The following RBMS3 variants were observed in gnomAD, a reference collection of about 807,000 sequenced individuals.
RBMS3 encodes RNA binding motif single stranded interacting protein 3, also known as RNA-binding motif, single-stranded-interacting protein 3.
In RBMS3, 27 loss-of-function variants were observed where a neutral mutation model predicts 66.8. The ratio of observed to expected loss-of-function variants is 0.40; its 90% CI spans 0.30 to 0.56. The LOEUF (loss-of-function observed/expected upper bound fraction) is 0.56. RBMS3 is among the 20% of genes least tolerant of loss of function. The probability of loss-of-function intolerance (pLI) is 0.40; values close to 1 mark genes in which losing one functional copy is unlikely to be tolerated. For synonymous variants in RBMS3, 188 were observed against 183.0 expected, an observed-to-expected ratio of 1.03 and a Z score of -0.22; for missense variants, 513 against 549.5, an observed-to-expected ratio of 0.93 and a Z score of 0.66.
intron 3 of RBMS3, among the ~76,000 whole-genome samples, chr3:29,579,593 G>T (rs1324061642): frequency 1.3e-5 from 2 of 152,094 alleles, no homozygotes; most frequent in Non-Finnish European, 2.9e-5. Flanking sequence ...AAACTTGTTG[G>T]AATTGTTTTA....
chr3:29,301,192 G>A (rs1001831945), intron 1 of RBMS3, among the ~76,000 whole-genome samples: 3 of 151,954 alleles, frequency 2.0e-5, no homozygotes, highest in Non-Finnish European at 4.4e-5. Context: ...CCATGGAGGC[G>A]ACATTTGAAG....
At chr3:29,337,231 G>A (rs1397601790) in intron 1 of RBMS3, among the ~76,000 whole-genome samples, 1 of 151,584 alleles carries the variant, frequency 6.6e-6, no homozygotes, top group Non-Finnish European at 1.5e-5. Flanking sequence ...AATGTCCTTG[G>A]GATATTTGAT....
At chr3:29,701,442 C>G (rs77638710) in intron 4 of RBMS3, among the ~76,000 whole-genome samples, 1 of 152,192 alleles carries the variant, frequency 6.6e-6, no homozygotes, top group East Asian at 1.9e-4. Context: ...CGCTCGCCCT[C>G]GGTGCCTCCT....
intron 3 of RBMS3, among the ~76,000 whole-genome samples, chr3:29,520,170 A>T (rs1211700516): frequency 6.6e-6 from 1 of 152,192 alleles, no homozygotes; most frequent in East Asian, 1.9e-4. Flanking sequence ...GCTACTGAGC[A>T]CTTAAATGTG....
At chr3:29,434,601 G>C in intron 1 of RBMS3, 142 bp from the exon 2 acceptor site, 2 of 1,174,742 alleles carry the variant, frequency 1.7e-6, no homozygotes, top group Non-Finnish European at 1.2e-6. Context: ...ATGCAACAGA[G>C]AGTAGTGATA....
chr3:29,563,105 T>TA (rs1179294587), intron 3 of RBMS3, among the ~76,000 whole-genome samples: 1 of 152,202 alleles, frequency 6.6e-6, no homozygotes, highest in African/African-American at 2.4e-5. Context: ...TATGAATTGA[T>TA]AGATAAACCT....
chr3:29,312,868 C>A (rs2034464714), intron 1 of RBMS3, among the ~76,000 whole-genome samples: 2 of 151,690 alleles, frequency 1.3e-5, no homozygotes, highest in South Asian at 4.1e-4. Context: ...CTTTGATCTG[C>A]TCTGCTCACT....
chr3:29,350,859 C>G (rs1433245576), intron 1 of RBMS3, among the ~76,000 whole-genome samples: 2 of 149,862 alleles, frequency 1.3e-5, no homozygotes, highest in African/African-American at 4.9e-5. Flanking sequence ...AAAGTAAAAA[C>G]AAAAAACTAT....
intron 6 of RBMS3, among the ~76,000 whole-genome samples, chr3:29,865,054 A>AGGC (rs1559750245): frequency 2.0e-4 from 25 of 123,376 alleles, no homozygotes; most frequent in African/African-American, 7.1e-4. Context: ...GGAGGGAAGG[A>AGGC]AGGAAGGAAG....
Position 29,307,420 on chromosome 3 carries a change from G to A in RBMS3, c.75+25664G>A, listed in dbSNP as rs1187029458. Among the ~76,000 whole-genome samples, 5 of 151,908 alleles carry A rather than the reference G, an allele frequency of 3.3e-5. No individual in the cohort carries two copies. In the East Asian group the frequency reaches 5.8e-4, roughly 18 times the overall value. ...CATGTGGTTCTCTATTTATAAAGTA[G>A]CCCCTAATCTCTCACCATGATAGGC... On this transcript the variant is annotated intron_variant, in intron 1 of 14. Transcript: ENST00000383767.
At chr3:29,811,641 T>G (rs928044882) in intron 6 of RBMS3, among the ~76,000 whole-genome samples, 2 of 152,092 alleles carry the variant, frequency 1.3e-5, no homozygotes, top group Non-Finnish European at 2.9e-5. Context: ...TTCCCTCCAG[T>G]TTTTTTCTCT....
At chr3:29,606,413 T>C (rs1022170401) in intron 4 of RBMS3, among the ~76,000 whole-genome samples, 13 of 151,912 alleles carry the variant, frequency 8.6e-5, no homozygotes, top group Admixed American at 6.6e-4. Flanking sequence ...TTGACTTATT[T>C]TGAACATCAA....
intron 1 of RBMS3, among the ~76,000 whole-genome samples, chr3:29,387,894 C>T (rs1575680144): frequency 6.6e-6 from 1 of 151,956 alleles, no homozygotes; most frequent in South Asian, 2.1e-4. Context: ...TCTGTGTTAC[C>T]TTCTTCTCTC....
At chr3:29,518,775 T>C (rs1576092450) in intron 3 of RBMS3, among the ~76,000 whole-genome samples, 1 of 152,202 alleles carries the variant, frequency 6.6e-6, no homozygotes, top group Non-Finnish European at 1.5e-5. Flanking sequence ...GTAGCAGAGA[T>C]GACATTCTAA....
chr3:29,733,329 T>A (rs112629813), intron 4 of RBMS3, among the ~76,000 whole-genome samples: 160 of 151,920 alleles, frequency 1.1e-3, no homozygotes, highest in African/African-American at 3.8e-3. Flanking sequence ...CTTGGAATAA[T>A]CATGGAGGTG....
At chr3:29,654,072 G>T (rs1029995553) in intron 4 of RBMS3, among the ~76,000 whole-genome samples, 1 of 152,136 alleles carries the variant, frequency 6.6e-6, no homozygotes, top group Non-Finnish European at 1.5e-5. Context: ...CAGGAAATTG[G>T]TAGTAAGTCA....
chr3:29,281,870 C>A, intron 1 of RBMS3, 114 bp downstream of exon 1: 1 of 847,544 alleles, frequency 1.2e-6, no homozygotes, highest in Non-Finnish European at 1.8e-6. Flanking sequence ...CTTCTTCCTG[C>A]TTCTTTGAAA....
At chr3:29,780,942 A>G (rs1361010221) in intron 6 of RBMS3, among the ~76,000 whole-genome samples, 2 of 152,144 alleles carry the variant, frequency 1.3e-5, no homozygotes, top group Admixed American at 6.6e-5. Flanking sequence ...CTATGTTAAA[A>G]TATAGAACAG....
At chr3:29,674,615 CAGAG>C (rs1234880085) in intron 4 of RBMS3, among the ~76,000 whole-genome samples, 10 of 151,374 alleles carry the variant, frequency 6.6e-5, no homozygotes, top group African/African-American at 2.4e-4. Context: ...CAATAATAGA[CAGAG>C]AGCCAAATCA....
Sources: gnomAD v4.1 joint callset for allele counts (sites outside exome capture counted in the v4.1 genomes callset) on GRCh38, gnomAD v4.1.1 for gene constraint, MANE v1.5 for transcripts, NCBI Gene and HGNC (gene_info 2026-07-23, HGNC 2026-07-21) for gene names.